Variants in DLG2 observed in about 807,000 individuals in gnomAD.
DLG2 encodes the protein disks large homolog 2.
Under a neutral mutation model 132.5 loss-of-function variants are expected in DLG2, and 45 were observed. The observed-to-expected ratio is 0.34, with a 90% CI of 0.27 to 0.44. DLG2 has a LOEUF of 0.44. Ranked by LOEUF, DLG2 falls within the 20% of genes least tolerant of loss-of-function variation. The pLI is 1.00. For synonymous variants in DLG2, 424 were observed against 419.6 expected (o/e 1.01, Z -0.13); for missense variants, 1,045 against 1,196.9 (o/e 0.87, Z 1.87).
chr11:85,590,005 T>C (rs886253679), intron 3 of DLG2, among the ~76,000 whole-genome samples: 18 of 152,306 alleles, frequency 1.2e-4, no homozygotes, highest in African/African-American at 4.3e-4. Context: ...AAACTTCTAA[T>C]GATTTTAACT....
intron 11 of DLG2, among the ~76,000 whole-genome samples, chr11:84,021,725 A>C (rs1243866798): frequency 6.6e-6 from 1 of 151,818 alleles, no homozygotes; most frequent in Non-Finnish European, 1.5e-5. Flanking sequence ...ATATTATTTC[A>C]CTTTTTTCTC....
chr11:85,470,660 G>A (rs1035821191), intron 3 of DLG2, among the ~76,000 whole-genome samples: 10 of 152,072 alleles, frequency 6.6e-5, no homozygotes, highest in Admixed American at 3.3e-4. Flanking sequence ...CCTGGGAAAC[G>A]GAAGTTGCAG....
rs74907635 is a variant in DLG2, at chr11:85,264,737, T to C, written c.186+20483A>G. Reference sequence around the variant, plus strand: ...CTCAGACTACAGGGTACTAAGCATCTTTCTCTCTCAAAATCAGTATTTGCC... The same window carrying C: ...CTCAGACTACAGGGTACTAAGCATCCTTCTCTCTCAAAATCAGTATTTGCC... On this transcript the variant is annotated intron_variant, in intron 4 of 27. Coordinates refer to ENST00000376104, the MANE Select transcript of DLG2 (RefSeq NM_001142699.3). Among the ~76,000 whole-genome samples the C allele has an allele frequency of 8.5e-5, 13 of 152,272 alleles. No homozygotes were observed. The East Asian group carries it at 2.5e-3, about 29-fold the overall frequency.
At chr11:84,936,331 G>T (rs1456508814) in intron 6 of DLG2, among the ~76,000 whole-genome samples, 1 of 151,992 alleles carries the variant, frequency 6.6e-6, no homozygotes, top group African/African-American at 2.4e-5. Flanking sequence ...AGAAATTATA[G>T]GTTAGCATAA....
chr11:84,485,261 A>C (rs2099147914), intron 7 of DLG2, among the ~76,000 whole-genome samples: 1 of 152,176 alleles, frequency 6.6e-6, no homozygotes, highest in South Asian at 2.1e-4. Flanking sequence ...TGAATATATA[A>C]TATTTCTATT....
At chr11:83,884,798 C>T (rs950494755) in intron 15 of DLG2, among the ~76,000 whole-genome samples, 1 of 152,210 alleles carries the variant, frequency 6.6e-6, no homozygotes, top group Non-Finnish European at 1.5e-5. Context: ...CAAAAATCCA[C>T]TGTTCTGCAG....
intron 6 of DLG2, among the ~76,000 whole-genome samples, chr11:85,071,640 CA>C (rs1473619056): frequency 6.6e-6 from 1 of 151,634 alleles, no homozygotes; most frequent in African/African-American, 2.4e-5. Flanking sequence ...CAGCCAACTC[CA>C]AAAGAATTTA....
At chr11:83,896,846 T>C (rs1002153905) in intron 15 of DLG2, among the ~76,000 whole-genome samples, 25 of 152,180 alleles carry the variant, frequency 1.6e-4, no homozygotes, top group Admixed American at 7.2e-4. Flanking sequence ...TATGTAAATA[T>C]ATGATGTGAA....
At chr11:85,337,682 T>C (rs2082222757) in intron 3 of DLG2, among the ~76,000 whole-genome samples, 1 of 152,198 alleles carries the variant, frequency 6.6e-6, no homozygotes, top group Non-Finnish European at 1.5e-5. Context: ...CTGATTAGGC[T>C]CAGTAAAGTC....
At chr11:84,463,609 T>C (rs957965704) in intron 7 of DLG2, among the ~76,000 whole-genome samples, 1 of 151,168 alleles carries the variant, frequency 6.6e-6, no homozygotes, top group East Asian at 1.9e-4. Context: ...TCTGGGTGCA[T>C]TGTACTTTAA....
intron 7 of DLG2, among the ~76,000 whole-genome samples, chr11:84,304,059 A>G (rs1254714208): frequency 6.6e-6 from 1 of 152,230 alleles, no homozygotes; most frequent in African/African-American, 2.4e-5. Flanking sequence ...GAAAAGTATC[A>G]ATACTTATCC....
chr11:84,442,310 T>C (rs946401045), intron 7 of DLG2, among the ~76,000 whole-genome samples: 2 of 152,138 alleles, frequency 1.3e-5, no homozygotes, highest in Non-Finnish European at 2.9e-5. Flanking sequence ...TGGTTTGTTT[T>C]TCTCCTTGAA....
At chr11:84,287,673 TCTC>T (rs1169836595) in intron 7 of DLG2, among the ~76,000 whole-genome samples, 1 of 151,512 alleles carries the variant, frequency 6.6e-6, no homozygotes, top group Non-Finnish European at 1.5e-5. Context: ...TCCCTCCATC[TCTC>T]CTTTCTTCTC....
At chr11:85,152,062 T>C (rs1409192453) in intron 5 of DLG2, among the ~76,000 whole-genome samples, 3 of 151,900 alleles carry the variant, frequency 2.0e-5, no homozygotes, top group African/African-American at 7.3e-5. Flanking sequence ...ACCAGAAAAA[T>C]AGAGCTGAGC....
chr11:84,978,896 A>G (rs1334564542), intron 6 of DLG2, among the ~76,000 whole-genome samples: 1 of 152,210 alleles, frequency 6.6e-6, no homozygotes, highest in Non-Finnish European at 1.5e-5. Context: ...AATGGGGGAA[A>G]ATTTTTGCAA....
chr11:83,822,244 C>G (rs1184408072), intron 17 of DLG2, among the ~76,000 whole-genome samples: 1 of 152,074 alleles, frequency 6.6e-6, no homozygotes, highest in African/African-American at 2.4e-5. Flanking sequence ...CATCCTTTGT[C>G]TTCAATTCTT....
intron 17 of DLG2, among the ~76,000 whole-genome samples, chr11:83,807,852 G>A (rs1238173842): frequency 2.6e-5 from 4 of 152,130 alleles, no homozygotes; most frequent in African/African-American, 9.7e-5. Context: ...AAGTAGCAGA[G>A]CTAACATAAG....
At chr11:84,227,023 T>C (rs1349274017) in intron 8 of DLG2, among the ~76,000 whole-genome samples, 1 of 151,872 alleles carries the variant, frequency 6.6e-6, no homozygotes, top group Non-Finnish European at 1.5e-5. Flanking sequence ...GAGTCGGAGA[T>C]TGCAGTGAGC....
chr11:85,238,628 T>G (rs186508207), intron 4 of DLG2, among the ~76,000 whole-genome samples: 63 of 152,250 alleles, frequency 4.1e-4, no homozygotes, highest in African/African-American at 1.5e-3. Flanking sequence ...CTTTAGATGC[T>G]TCTTCTTCCT....
Sources: gnomAD v4.1 joint callset for allele counts (sites outside exome capture counted in the v4.1 genomes callset) on GRCh38, gnomAD v4.1.1 for gene constraint, MANE v1.5 for transcripts, NCBI Gene and HGNC (gene_info 2026-07-23, HGNC 2026-07-21) for gene names.